Variants in CLIC4 observed in about 807,000 individuals in gnomAD.
The protein encoded by CLIC4 is CLIC family member 4.
CLIC4 carries 13 observed loss-of-function variants against 24.6 expected under a neutral mutation model. The observed-to-expected ratio is 0.53, with a 90% CI of 0.34 to 0.84. The LOEUF is 0.84. Among genes scored for constraint, CLIC4 ranks in the 40% least tolerant of loss-of-function variants. The pLI is 0.01. For synonymous variants in CLIC4, 104 were observed against 111.3 expected (o/e 0.93, Z 0.41); for missense variants, 227 against 301.7 (o/e 0.75, Z 1.83).
intron 1 of CLIC4, among the ~76,000 whole-genome samples, chr1:24,788,983 G>A (rs1030149101): frequency 1.3e-5 from 2 of 152,174 alleles, no homozygotes; most frequent in Non-Finnish European, 2.9e-5. Context: ...TGAATTGGGT[G>A]GCCTAGACTT....
chr1:24,782,439 A>AT (rs1296167899), intron 1 of CLIC4, among the ~76,000 whole-genome samples: 2 of 151,962 alleles, frequency 1.3e-5, no homozygotes, highest in Admixed American at 1.3e-4. Context: ...GGCAGAAACC[A>AT]TTTCTTCTCT....
At chr1:24,830,258 A>G (rs1238881715) in intron 4 of CLIC4, among the ~76,000 whole-genome samples, 1 of 152,168 alleles carries the variant, frequency 6.6e-6, no homozygotes, top group East Asian at 1.9e-4. Flanking sequence ...TCTTTTTTCT[A>G]TGTAATTTTG....
intron 1 of CLIC4, among the ~76,000 whole-genome samples, chr1:24,755,610 TA>T (rs879700635): frequency 1.1e-3 from 159 of 141,372 alleles, no homozygotes; most frequent in Middle Eastern, 3.6e-3. Context: ...TCCTATCTCT[TA>T]AAAAAAAAAA....
chr1:24,788,469 C>T (rs1355563970), intron 1 of CLIC4, among the ~76,000 whole-genome samples: 1 of 152,230 alleles, frequency 6.6e-6, no homozygotes, highest in East Asian at 1.9e-4. Flanking sequence ...CTGGAATCCA[C>T]GGGGGATTGG....
intron 1 of CLIC4, among the ~76,000 whole-genome samples, chr1:24,747,095 ATTTTTT>A (rs749648001): frequency 2.0e-4 from 24 of 120,238 alleles, no homozygotes; most frequent in Non-Finnish European, 2.3e-4. Context: ...TCAATTTTCG[ATTTTTT>A]TTTTTTTTTT....
At chr1:24,763,533 C>CAAAAAAAA (rs33955013) in intron 1 of CLIC4, among the ~76,000 whole-genome samples, 2 of 78,952 alleles carry the variant, frequency 2.5e-5, no homozygotes, top group East Asian at 4.2e-4. Context: ...ACTCCGTCTC[C>CAAAAAAAA]AAAAAAAAAA....
intron 1 of CLIC4, among the ~76,000 whole-genome samples, chr1:24,753,037 T>A (rs1638796309): frequency 6.6e-6 from 1 of 152,198 alleles, no homozygotes; most frequent in Admixed American, 6.5e-5. Context: ...TATATTATTT[T>A]TAAATGTGGG....
intron 1 of CLIC4, chr1:24,771,792 C>T: frequency 2.0e-6 from 1 of 501,210 alleles, no homozygotes; most frequent in South Asian, 1.5e-5. Context: ...TGGTCTAAAC[C>T]TAACAGATTG....
At chr1:24,747,318 G>A (rs1488848067) in intron 1 of CLIC4, among the ~76,000 whole-genome samples, 5 of 151,646 alleles carry the variant, frequency 3.3e-5, no homozygotes, top group Non-Finnish European at 7.4e-5. Flanking sequence ...GGCAGATCAC[G>A]AGGTCAGGAG....
rs1198102654 is a variant in CLIC4 at position 24,842,841 on chromosome 1, C to CT, written c.*1904_*1905insT. 4 of 152,072 alleles carry CT rather than the reference C, an allele frequency of 2.6e-5. No homozygotes were observed. The highest frequency in any genetic ancestry group is 5.9e-5 in the Non-Finnish European group (4 of 67,988). The allele number at this position is 152,072 out of a possible 1,614,324, so 9.4% of individuals were successfully genotyped here. ...GCACCAGTACACAGGCAGGCATTATCATTCTTCACCTACTTTTTAAATAGT... is the reference window on the plus strand; with the variant it reads ...GCACCAGTACACAGGCAGGCATTATCTATTCTTCACCTACTTTTTAAATAGT... On this transcript the variant is annotated 3_prime_UTR_variant, in exon 6 of 6. Coordinates refer to ENST00000374379, the MANE Select transcript of CLIC4 (RefSeq NM_013943.3).
chr1:24,835,951 G>C (rs559063542), intron 4 of CLIC4, among the ~76,000 whole-genome samples: 1 of 152,108 alleles, frequency 6.6e-6, no homozygotes, highest in Admixed American at 6.6e-5. Flanking sequence ...AAACAATGTT[G>C]CTTATGTACA....
intron 1 of CLIC4, among the ~76,000 whole-genome samples, chr1:24,746,184 G>A (rs139143710): frequency 1.7e-4 from 26 of 152,362 alleles, no homozygotes; most frequent in Middle Eastern, 3.4e-3. Flanking sequence ...AAGAGCAGGT[G>A]CTCTTGGACC....
chr1:24,821,385 A>C (rs1343452036), intron 3 of CLIC4, among the ~76,000 whole-genome samples: 4 of 152,202 alleles, frequency 2.6e-5, no homozygotes, highest in Non-Finnish European at 5.9e-5. Context: ...TAAAAATTCT[A>C]GCCCCATTAT....
chr1:24,784,989 G>A (rs1448224589), intron 1 of CLIC4, among the ~76,000 whole-genome samples: 1 of 140,088 alleles, frequency 7.1e-6, no homozygotes, highest in Admixed American at 7.4e-5. Context: ...GGGCGACAGC[G>A]CGAGACTCTG....
intron 1 of CLIC4, among the ~76,000 whole-genome samples, chr1:24,769,449 A>G (rs545217075): frequency 1.3e-5 from 2 of 152,314 alleles, no homozygotes; most frequent in South Asian, 4.1e-4. Flanking sequence ...TGAGAATTAG[A>G]GAGATCATTG....
chr1:24,754,367 A>G (rs1638815679), intron 1 of CLIC4, among the ~76,000 whole-genome samples: 1 of 152,218 alleles, frequency 6.6e-6, no homozygotes, highest in Non-Finnish European at 1.5e-5. Context: ...AGAAGCCAGT[A>G]AGTAAGGATG....
chr1:24,781,487 C>T lies in CLIC4; in HGVS notation c.73-16255C>T, dbSNP rs190082366. On this transcript the variant is annotated intron_variant, in intron 1 of 5. Coordinates refer to ENST00000374379, the MANE Select transcript of CLIC4 (RefSeq NM_013943.3). ...TGAGACTTGAGCTTGACCTGAAGCACGGGTGTGGCAGTGATCATTTCAGGG... is the reference window on the plus strand; with the variant it reads ...TGAGACTTGAGCTTGACCTGAAGCATGGGTGTGGCAGTGATCATTTCAGGG... 1.3e-4 allele frequency among the ~76,000 whole-genome samples: 20 copies of T among 151,308 alleles called. No homozygotes were observed. In the South Asian group the frequency reaches 1.5e-3, roughly 11 times the overall value.
chr1:24,810,359 G>A (rs369048221), intron 2 of CLIC4, among the ~76,000 whole-genome samples: 2 of 152,106 alleles, frequency 1.3e-5, no homozygotes, highest in East Asian at 3.8e-4. Flanking sequence ...ATACCATTCA[G>A]CTGAAAGGTA....
At chr1:24,810,374 G>A (rs1557809466) in intron 2 of CLIC4, among the ~76,000 whole-genome samples, 1 of 152,158 alleles carries the variant, frequency 6.6e-6, no homozygotes, top group Non-Finnish European at 1.5e-5. Flanking sequence ...AAGGTAGATT[G>A]TCCCAAATCC....
Sources: allele counts gnomAD v4.1 joint callset (sites outside exome capture counted in the v4.1 genomes callset), GRCh38; gene constraint gnomAD v4.1.1; transcripts MANE v1.5; gene names NCBI Gene and HGNC (gene_info 2026-07-23, HGNC 2026-07-21).